Variants in PATJ observed in about 807,000 individuals in gnomAD.
The protein encoded by PATJ is PATJ crumbs cell polarity complex component, also known as inaD-like protein.
A neutral mutation model predicts 224.9 loss-of-function variants in PATJ; 190 were observed. The ratio of observed to expected loss-of-function variants is 0.84; its 90% CI spans 0.75 to 0.95. PATJ has a LOEUF of 0.95. Ranked by LOEUF, PATJ falls within the 40% of genes least tolerant of loss-of-function variation. The probability of loss-of-function intolerance (pLI) is 0.00; values close to 1 mark genes in which losing one functional copy is unlikely to be tolerated. For synonymous variants in PATJ, 769 were observed against 820.3 expected (o/e 0.94, Z 1.07); for missense variants, 2,121 against 2,270.3 (o/e 0.93, Z 1.34).
chr1:62,130,563 GA>G (rs1434360046), intron 41 of PATJ, among the ~76,000 whole-genome samples: 3 of 151,246 alleles, frequency 2.0e-5, no homozygotes, highest in Non-Finnish European at 4.4e-5. Context: ...TAGAAAAAAA[GA>G]AAAACTGCTG....
intron 7 of PATJ, among the ~76,000 whole-genome samples, chr1:61,777,860 A>T (rs1647023102): frequency 6.6e-6 from 1 of 151,350 alleles, no homozygotes; most frequent in Non-Finnish European, 1.5e-5. Flanking sequence ...GGCATGTACC[A>T]CCATGCTAGG....
At chr1:61,752,152 A>AAG (rs1315989018) in intron 1 of PATJ, among the ~76,000 whole-genome samples, 2 of 151,236 alleles carry the variant, frequency 1.3e-5, no homozygotes, top group South Asian at 2.1e-4. Flanking sequence ...AAAAAAAAAA[A>AAG]AAGAAGCCTA....
chr1:62,126,424 T>C (rs1665726238), intron 39 of PATJ, among the ~76,000 whole-genome samples: 1 of 152,224 alleles, frequency 6.6e-6, no homozygotes, highest in Non-Finnish European at 1.5e-5. Context: ...AGTTGTTTTT[T>C]ACATTTTGAC....
chr1:62,001,105 G>A (rs1645740712), intron 28 of PATJ, among the ~76,000 whole-genome samples: 1 of 151,652 alleles, frequency 6.6e-6, no homozygotes, highest in African/African-American at 2.4e-5. Context: ...TGTCAGATGA[G>A]TAGGTTGCGA....
intron 18 of PATJ, among the ~76,000 whole-genome samples, chr1:61,858,802 A>C (rs1054115230): frequency 6.6e-6 from 1 of 152,232 alleles, no homozygotes; most frequent in Non-Finnish European, 1.5e-5. Flanking sequence ...TGGGAGACCA[A>C]AAGGTGGTCT....
Position 61,797,306 on chromosome 1 carries a change from A to G in PATJ, c.1280A>G (p.Gln427Arg), listed in dbSNP as rs761034264. Residue 427 changes from glutamine to arginine, a missense_variant, in exon 11 of 44, where the codon CAG (glutamine) becomes CGG (arginine). Coordinates refer to ENST00000642238, the MANE Select transcript of PATJ (RefSeq NM_001350145.3). Reference sequence around the variant, plus strand: ...TTTTAGGTCGATGGCGTGAACATTCAGGGTTTTGCCAACCATGATGTTGTT... The same window carrying G: ...TTTTAGGTCGATGGCGTGAACATTCGGGGTTTTGCCAACCATGATGTTGTT... Reference protein sequence around the residue: ...KIVAVDGVNIQGFANHDVVEV... With the variant: ...KIVAVDGVNIRGFANHDVVEV... 2 of 1,613,286 alleles carry G rather than the reference A, an allele frequency of 1.2e-6. No individual in the cohort carries two copies. Among genetic ancestry groups the G allele is most frequent in the Non-Finnish European group, 1.7e-6 (2 of 1,179,308 alleles).
chr1:62,144,777 A>AAAAATATATATAT lies in PATJ; in HGVS notation c.5272-3506_5272-3505insAAATATATATATA, dbSNP rs377489788. Among the ~76,000 whole-genome samples, 473 of 119,058 alleles carry AAAAATATATATAT rather than the reference A, an allele frequency of 4.0e-3. 1 individual carries two copies. Among genetic ancestry groups the AAAAATATATATAT allele is most frequent in the Non-Finnish European group, 6.0e-3 (360 of 60,296 alleles). 78.1% of individuals were successfully genotyped at this position (119,058 alleles called of 152,430 possible). ...TAGAATGTTATTTGCAAAAAAAAAA[A>AAAAATATATATAT]ATATATATATATATATATAATTAGC... On this transcript the variant is annotated intron_variant, in intron 41 of 43. Coordinates refer to ENST00000642238, the MANE Select transcript of PATJ (RefSeq NM_001350145.3).
At chr1:62,000,266 T>C (rs1220755383) in intron 28 of PATJ, among the ~76,000 whole-genome samples, 1 of 151,060 alleles carries the variant, frequency 6.6e-6, no homozygotes, top group Non-Finnish European at 1.5e-5. Context: ...GTTACATATG[T>C]ATACATGTGC....
intron 7 of PATJ, among the ~76,000 whole-genome samples, chr1:61,778,055 T>C (rs931638577): frequency 5.3e-5 from 8 of 152,014 alleles, no homozygotes; most frequent in Admixed American, 2.6e-4. Flanking sequence ...AGTTTTTCTA[T>C]TTTTTGTAGA....
At chr1:62,033,245 G>A (rs1388073297) in intron 29 of PATJ, among the ~76,000 whole-genome samples, 1 of 152,138 alleles carries the variant, frequency 6.6e-6, no homozygotes, top group African/African-American at 2.4e-5. Context: ...ATAAAGAAAT[G>A]TATATATTCA....
intron 31 of PATJ, among the ~76,000 whole-genome samples, chr1:62,078,505 C>A (rs1005693497): frequency 1.3e-5 from 2 of 152,098 alleles, no homozygotes; most frequent in East Asian, 3.9e-4. Context: ...AGGCTGGTCT[C>A]GAACTCCTGA....
intron 27 of PATJ, among the ~76,000 whole-genome samples, chr1:61,966,048 C>T (rs898734403): frequency 5.3e-5 from 8 of 152,292 alleles, no homozygotes; most frequent in African/African-American, 1.9e-4. Flanking sequence ...ACTATAGGCA[C>T]ATGCCACCAT....
intron 1 of PATJ, among the ~76,000 whole-genome samples, chr1:61,762,571 G>A (rs928238208): frequency 2.0e-5 from 3 of 152,090 alleles, no homozygotes; most frequent in Admixed American, 1.3e-4. Context: ...AACTTTATAA[G>A]AAACTACCAA....
chr1:61,984,168 T>A (rs1416515932), intron 27 of PATJ, among the ~76,000 whole-genome samples: 19 of 145,072 alleles, frequency 1.3e-4, no homozygotes, highest in African/African-American at 3.3e-4. Context: ...ATTATTATTT[T>A]TTTTTTTTTT....
At chr1:62,160,624 T>C (rs963157391) in intron 43 of PATJ, among the ~76,000 whole-genome samples, 1 of 152,198 alleles carries the variant, frequency 6.6e-6, no homozygotes, top group African/African-American at 2.4e-5. Context: ...TAATACTAAA[T>C]AGTGAAATAA....
intron 43 of PATJ, among the ~76,000 whole-genome samples, chr1:62,156,286 T>C (rs1327936690): frequency 2.0e-5 from 3 of 151,874 alleles, no homozygotes; most frequent in Non-Finnish European, 4.4e-5. Flanking sequence ...CCCTAGCACT[T>C]TGGGAGGCCG....
At chr1:61,849,032 C>T (rs1043494469) in intron 17 of PATJ, among the ~76,000 whole-genome samples, 1 of 152,180 alleles carries the variant, frequency 6.6e-6, no homozygotes, top group African/African-American at 2.4e-5. Context: ...CTTTCTCTTA[C>T]TGAAATAAAA....
At chr1:61,856,735 T>G (rs1663732593) in intron 18 of PATJ, among the ~76,000 whole-genome samples, 1 of 152,262 alleles carries the variant, frequency 6.6e-6, no homozygotes, top group Non-Finnish European at 1.5e-5. Context: ...ATTACTAGCA[T>G]GTGCCACTGT....
chr1:61,871,459 A>ATATATGCG (rs1571017969), intron 20 of PATJ, among the ~76,000 whole-genome samples: 2 of 56,002 alleles, frequency 3.6e-5, no homozygotes, highest in Non-Finnish European at 6.2e-5. Flanking sequence ...ATATATGCGT[A>ATATATGCG]TATATATGTA....
Sources: gnomAD v4.1 joint callset for allele counts (sites outside exome capture counted in the v4.1 genomes callset) on GRCh38, gnomAD v4.1.1 for gene constraint, MANE v1.5 for transcripts, NCBI Gene and HGNC (gene_info 2026-07-23, HGNC 2026-07-21) for gene names.